Variants in CBLN4 observed in about 807,000 individuals in gnomAD.
CBLN4 encodes cerebellin-4.
CBLN4 carries 7 observed loss-of-function variants against 14.9 expected under a neutral mutation model. The ratio of observed to expected loss-of-function variants is 0.47; its 90% CI spans 0.27 to 0.88. The LOEUF (loss-of-function observed/expected upper bound fraction) is 0.88, where lower values mean the gene tolerates loss of function less well. Among genes scored for constraint, CBLN4 ranks in the 40% least tolerant of loss-of-function variants. The pLI is 0.14. For missense variants in CBLN4, 188 were observed against 256.8 expected (o/e 0.73, Z 1.83); for synonymous variants, 131 against 116.5 (o/e 1.12, Z -0.80).
In CBLN4 at chr20:55,998,630, T is replaced by C; in HGVS notation, c.533A>G (p.Lys178Arg). Residue 178 changes from lysine to arginine, a missense_variant, in exon 3 of 3, where the codon AAA (lysine) becomes AGA (arginine). By Grantham distance (26) the Lys-to-Arg change is conservative. Coordinates refer to ENST00000064571, the MANE Select transcript of CBLN4 (RefSeq NM_080617.6). ...YLDKEDKVYLKLEKGNLVGGW... is the reference protein window; with the variant it reads ...YLDKEDKVYLRLEKGNLVGGW... ...TCCAACCAAATTACCTTTCTCCAGT[T>C]TTAGGTAAACCTTATCCTCTTTATC... The C allele has an allele frequency of 6.2e-7, 1 of 1,614,178 alleles. No individual in the cohort carries two copies.
Position 56,000,833 on chromosome 20 carries a change from C to G in CBLN4, c.306G>C (p.Val102=), listed in dbSNP as rs745453514. 4.7e-5 allele frequency: 73 copies of G among 1,553,290 alleles called. 1 individual carries two copies. In the Admixed American group the frequency reaches 1.4e-3, roughly 29 times the overall value. ...CAGACTCCAATGTGAAAAAATTACCCACATTCACCAGGATCTACAAATAAA... is the reference window on the plus strand; with the variant it reads ...CAGACTCCAATGTGAAAAAATTACCGACATTCACCAGGATCTACAAATAAA... The part of the protein sequence containing the change: ...IIYFDQILVN[V]GNFFTLESVF... Residue 102 remains valine, a synonymous_variant, in exon 2 of 3, where the codon GTG becomes GTC. Transcript: ENST00000064571.
Position 56,000,305 on chromosome 20 carries a change from A to G in CBLN4, c.408+426T>C, listed in dbSNP as rs1986347366. ...AGACTTATTCTTACTGATTAGCTGT[A>G]TCTCATAATTTTAAAAAATAGCAAA... is the stretch of plus-strand genomic sequence containing the variant. On this transcript the variant is annotated intron_variant, in intron 2 of 2. Transcript: ENST00000064571. Among the ~76,000 whole-genome samples the G allele has an allele frequency of 2.0e-5, 3 of 152,246 alleles. No homozygotes were observed. In the South Asian group the frequency reaches 6.2e-4, roughly 31 times the overall value.
chr20:55,999,302 C>CTGAT (rs1210661924), intron 2 of CBLN4, among the ~76,000 whole-genome samples: 1 of 151,984 alleles, frequency 6.6e-6, no homozygotes, highest in Non-Finnish European at 1.5e-5. Context: ...TCTATTTTCC[C>CTGAT]TGATAGGAAA....
rs534797906 is a variant in CBLN4, at chr20:55,998,678, G to A, written c.485C>T (p.Thr162Met). 7.4e-6 allele frequency: 12 copies of A among 1,614,122 alleles called. No homozygotes were observed. The highest frequency in any genetic ancestry group is 1.7e-5 in the Admixed American group (1 of 60,020). Residue 162 changes from threonine (T) to methionine (M), a missense_variant, in exon 3 of 3, where the codon ACG (threonine) becomes ATG (methionine). Physicochemically the swap from Thr to Met is moderately conservative, Grantham distance 81. This residue lies in a region of CBLN4 where 93 missense variants were observed against 157.7 expected (regional missense o/e 0.59). Coordinates refer to ENST00000064571, the MANE Select transcript of CBLN4 (RefSeq NM_080617.6). ...GDKDVTREAATNGVLLYLDKE... is the reference protein window; with the variant it reads ...GDKDVTREAAMNGVLLYLDKE... ...ATCTAGGTAGAGCAGGACACCATTC[G>A]TGGCAGCTTCACGAGTAACATCTTT...
At chr20:56,000,326 G>A (rs1986347820) in intron 2 of CBLN4, among the ~76,000 whole-genome samples, 1 of 152,154 alleles carries the variant, frequency 6.6e-6, no homozygotes, top group Non-Finnish European at 1.5e-5. Context: ...TTAAAAAATA[G>A]CAAATGTGTT....
In CBLN4 at chr20:55,998,094, A is replaced by C. The variant is rs1262485437; in HGVS notation, c.*463T>G. On this transcript the variant is annotated 3_prime_UTR_variant, in exon 3 of 3. Coordinates refer to ENST00000064571, the MANE Select transcript of CBLN4 (RefSeq NM_080617.6). ...TTTTTTACAAGAACCAAACAAACTA[A>C]TTCCAAAGGAATAAAAACAAATATA... 1 of 153,074 alleles carries C rather than the reference A, an allele frequency of 6.5e-6. No individual in the cohort carries two copies. Among genetic ancestry groups the C allele is most frequent in the Non-Finnish European group, 1.5e-5 (1 of 68,354 alleles). The allele number at this position is 153,074 out of a possible 1,614,324, so 9.5% of individuals were successfully genotyped here.
rs1207187170 is a variant in CBLN4, at chr20:55,998,107, A to G, written c.*450T>C. 1 of 153,386 alleles carries G rather than the reference A, an allele frequency of 6.5e-6. No individual in the cohort carries two copies. The highest frequency in any genetic ancestry group is 1.5e-5 in the Non-Finnish European group (1 of 68,586). 9.5% of individuals were successfully genotyped at this position (153,386 alleles called of 1,614,324 possible). On this transcript the variant is annotated 3_prime_UTR_variant, in exon 3 of 3. Coordinates refer to ENST00000064571, the MANE Select transcript of CBLN4 (RefSeq NM_080617.6). ...CCAAACAAACTAATTCCAAAGGAAT[A>G]AAAACAAATATAATCAATATATTAA... is the stretch of plus-strand genomic sequence containing the variant.
intron 2 of CBLN4, among the ~76,000 whole-genome samples, chr20:56,000,373 T>A (rs1986348622): frequency 6.6e-6 from 1 of 152,262 alleles, no homozygotes; most frequent in Non-Finnish European, 1.5e-5. Context: ...GCTGTACTAG[T>A]CTTACAAGTT....
intron 1 of CBLN4, among the ~76,000 whole-genome samples, chr20:56,002,166 G>A (rs958017481): frequency 2.6e-5 from 4 of 152,154 alleles, no homozygotes; most frequent in African/African-American, 7.2e-5. Context: ...ACACATGTAC[G>A]TGTATAATTT....
chr20:56,002,505 G>C (rs1986391307), intron 1 of CBLN4, among the ~76,000 whole-genome samples: 1 of 152,182 alleles, frequency 6.6e-6, no homozygotes, highest in East Asian at 1.9e-4. Context: ...AAGATGCAAG[G>C]CTCACTGAAA....
At chr20:56,000,700 G>T in intron 2 of CBLN4, 31 bp downstream of exon 2, 1 of 1,138,418 alleles carries the variant, frequency 8.8e-7, no homozygotes, top group Non-Finnish European at 1.3e-6. Flanking sequence ...AGTTGGTTGA[G>T]AGTATGGATG....
chr20:56,004,298 G>T lies in CBLN4; in HGVS notation c.-127C>A. On this transcript the variant is annotated 5_prime_UTR_variant, in exon 1 of 3. Coordinates refer to ENST00000064571, the MANE Select transcript of CBLN4 (RefSeq NM_080617.6). The surrounding 1 kb of genome is among the most constrained non-coding windows in gnomAD (Gnocchi z 6.1). Reference sequence around the variant, plus strand: ...CGACAGCGCTGCAGGAGCGACGGCGGCGGCGGCGCGCACACTTCCACCAAT... The same window carrying T: ...CGACAGCGCTGCAGGAGCGACGGCGTCGGCGGCGCGCACACTTCCACCAAT... 2 of 912,080 alleles carry T rather than the reference G, an allele frequency of 2.2e-6. No individual in the cohort carries two copies. The highest frequency in any genetic ancestry group is 3.0e-6 in the Non-Finnish European group (2 of 657,336). The allele number at this position is 912,080 out of a possible 1,614,324, so 56.5% of individuals were successfully genotyped here.
chr20:55,998,360 C>A lies in CBLN4; in HGVS notation c.*197G>T. On this transcript the variant is annotated 3_prime_UTR_variant, in exon 3 of 3. Transcript: ENST00000064571. Reference sequence around the variant, plus strand: ...GGTATTATCTGCTTAGAGTCCCAATCCAAATATACTGAAACAGACACACAC... The same window carrying A: ...GGTATTATCTGCTTAGAGTCCCAATACAAATATACTGAAACAGACACACAC... 4 of 610,196 alleles carry A rather than the reference C, an allele frequency of 6.6e-6. No homozygotes were observed. The highest frequency in any genetic ancestry group is 1.1e-5 in the Non-Finnish European group (4 of 351,348). 37.8% of individuals were successfully genotyped at this position (610,196 alleles called of 1,614,324 possible). A position where few individuals can be genotyped will look rare whatever the true frequency, so the allele number is the denominator to read the frequency against.
In CBLN4 at chr20:56,005,221, G is replaced by A. The variant is rs1255541233; in HGVS notation, c.-1050C>T. ...GCGTAAAGGATGCGTGCCCAGAGAGGAGCCCACGGCCCTGCGCTGGCCCCA... is the reference window on the plus strand; with the variant it reads ...GCGTAAAGGATGCGTGCCCAGAGAGAAGCCCACGGCCCTGCGCTGGCCCCA... On this transcript the variant is annotated 5_prime_UTR_variant, in exon 1 of 3. Coordinates refer to ENST00000064571, the MANE Select transcript of CBLN4 (RefSeq NM_080617.6). 2.0e-5 allele frequency: 3 copies of A among 152,610 alleles called. No homozygotes were observed. The East Asian group carries it at 5.8e-4, about 29-fold the overall frequency. 9.5% of individuals were successfully genotyped at this position (152,610 alleles called of 1,614,324 possible).
chr20:55,999,971 C>A (rs192364402), intron 2 of CBLN4, among the ~76,000 whole-genome samples: 1 of 152,182 alleles, frequency 6.6e-6, no homozygotes, highest in Non-Finnish European at 1.5e-5. Context: ...AGCATGTAAT[C>A]TATCATTCAT....
At chr20:56,000,935 C>T in intron 1 of CBLN4, 88 bp from the exon 2 acceptor site, 1 of 531,826 alleles carries the variant, frequency 1.9e-6, no homozygotes, top group Non-Finnish European at 3.1e-6. Flanking sequence ...CTCTTCCTCT[C>T]CTCTTCCTTC....
chr20:56,004,215 G>T lies in CBLN4; in HGVS notation c.-44C>A, dbSNP rs1369401639. 1.5e-5 allele frequency: 21 copies of T among 1,370,720 alleles called. No individual in the cohort carries two copies. The highest frequency in any genetic ancestry group is 3.1e-5 in the African/African-American group (2 of 65,188). 84.9% of individuals were successfully genotyped at this position (1,370,720 alleles called of 1,614,324 possible). A position where few individuals can be genotyped will look rare whatever the true frequency, so the allele number is the denominator to read the frequency against. ...CCGCAGCCGGCTGGCGCTGGTGCTC[G>T]CCCGCGTCGCCTCCTACCCCGGGAT... On this transcript the variant is annotated 5_prime_UTR_variant, in exon 1 of 3. Coordinates refer to ENST00000064571, the MANE Select transcript of CBLN4 (RefSeq NM_080617.6). This position sits in a 1 kb window ranked among gnomAD's most constrained non-coding sequence, Gnocchi z 6.1.
At chr20:56,002,216 T>C (rs185597361) in intron 1 of CBLN4, among the ~76,000 whole-genome samples, 188 of 152,312 alleles carry the variant, frequency 1.2e-3, no homozygotes, top group African/African-American at 4.1e-3. Flanking sequence ...AGCATCAGAT[T>C]TTTTTTGTAA....
Position 56,004,118 on chromosome 20 carries a change from G to C in CBLN4, c.54C>G (p.Leu18=). 6.2e-7 allele frequency: 1 copy of C among 1,600,674 alleles called. No homozygotes were observed. The highest frequency in any genetic ancestry group is 8.5e-7 in the Non-Finnish European group (1 of 1,175,470). Residue 18 remains leucine, a synonymous_variant, in exon 1 of 3, where the codon CTC becomes CTG. Transcript: ENST00000064571. The surrounding 1 kb of genome is among the most constrained non-coding windows in gnomAD (Gnocchi z 6.1). ...LSAVPAVLLV[L]TLPGLPVWAQ... is the part of the protein sequence containing the mutation. ...CCCAGACGGGCAGCCCCGGCAGCGT[G>C]AGGACCAGCAGCACGGCCGGCACCG...
Sources: gnomAD v4.1 joint callset for allele counts (sites outside exome capture counted in the v4.1 genomes callset) on GRCh38, gnomAD v4.1.1 for gene constraint, gnomAD v4.1.1 regional missense constraint, Gnocchi (gnomAD v3.1) non-coding constraint, MANE v1.5 for transcripts, NCBI Gene and HGNC (gene_info 2026-07-23, HGNC 2026-07-21) for gene names.